ASIC2: variants seen among roughly 807,000 people sequenced by gnomAD.
ASIC2 encodes the protein acid sensing ion channel subunit 2.
ASIC2 carries 25 observed loss-of-function variants against 57.3 expected under a neutral mutation model. That is an observed-to-expected ratio of 0.44 (90% CI 0.32 to 0.61). The LOEUF is 0.61. Ranked by LOEUF, ASIC2 falls within the 20% of genes least tolerant of loss-of-function variation. The pLI, the probability that ASIC2 is intolerant of heterozygous loss-of-function variation, is 0.06. For synonymous variants in ASIC2, 319 were observed against 307.5 expected (o/e 1.04, Z -0.39); for missense variants, 641 against 738.1 (o/e 0.87, Z 1.52).
At chr17:33,279,548 C>T (rs945478631) in intron 1 of ASIC2, among the ~76,000 whole-genome samples, 4 of 152,034 alleles carry the variant, frequency 2.6e-5, no homozygotes, top group Non-Finnish European at 5.9e-5. Flanking sequence ...GAACGTGGAG[C>T]ACGAGAGAGA....
chr17:33,547,381 T>C (rs1329431301), intron 1 of ASIC2, among the ~76,000 whole-genome samples: 2 of 152,184 alleles, frequency 1.3e-5, no homozygotes, highest in African/African-American at 4.8e-5. Context: ...TGGGTTAATC[T>C]ATCCTTCAAA....
intron 1 of ASIC2, among the ~76,000 whole-genome samples, chr17:33,209,560 A>G (rs1907195648): frequency 6.6e-6 from 1 of 152,184 alleles, no homozygotes; most frequent in Non-Finnish European, 1.5e-5. Context: ...TACTTATGAC[A>G]AGCAAAAATG....
At chr17:33,570,067 T>C (rs1207182514) in intron 1 of ASIC2, among the ~76,000 whole-genome samples, 2 of 152,158 alleles carry the variant, frequency 1.3e-5, no homozygotes, top group African/African-American at 4.8e-5. Flanking sequence ...CACTTAAGTC[T>C]TCACTTCCTC....
At chr17:33,523,753 G>A (rs1184823771) in intron 1 of ASIC2, among the ~76,000 whole-genome samples, 1 of 152,072 alleles carries the variant, frequency 6.6e-6, no homozygotes, top group African/African-American at 2.4e-5. Context: ...TGCTTGGAAA[G>A]GCCCTCTGTG....
intron 1 of ASIC2, among the ~76,000 whole-genome samples, chr17:33,911,338 G>A (rs187835575): frequency 3.2e-4 from 48 of 152,306 alleles, no homozygotes; most frequent in Non-Finnish European, 5.4e-4. Flanking sequence ...TCATGTCCAA[G>A]CTCAGGATGG....
chr17:33,140,638 G>A lies in ASIC2; in HGVS notation c.709-28571C>T, dbSNP rs547565840. Among the ~76,000 whole-genome samples, 73 of 152,318 alleles carry A rather than the reference G, an allele frequency of 4.8e-4. 2 individuals are homozygous for A. The highest frequency in any genetic ancestry group is 1.1e-3 in the Admixed American group (17 of 15,306). On this transcript the variant is annotated intron_variant, in intron 1 of 9. Coordinates refer to ENST00000225823, the MANE Select transcript of ASIC2 (RefSeq NM_183377.2). ...TGTGTTTGTTTAAGGTGGGTGTCAC[G>A]TCACATGGTGTGTTTGGACTGAAAC... is the stretch of plus-strand genomic sequence containing the variant.
intron 1 of ASIC2, among the ~76,000 whole-genome samples, chr17:33,653,064 T>G (rs1039963588): frequency 6.6e-6 from 1 of 152,228 alleles, no homozygotes; most frequent in African/African-American, 2.4e-5. Context: ...ATAATATATT[T>G]GACCCTCAAG....
At chr17:33,228,896 C>G (rs767792985) in intron 1 of ASIC2, among the ~76,000 whole-genome samples, 4 of 152,228 alleles carry the variant, frequency 2.6e-5, no homozygotes, top group Non-Finnish European at 5.9e-5. Flanking sequence ...TCCCTGTCCT[C>G]CAGGAGCTGG....
intron 1 of ASIC2, among the ~76,000 whole-genome samples, chr17:33,799,446 CTTTCTTTCT>C (rs1567719156): frequency 1.3e-4 from 10 of 77,756 alleles, no homozygotes; most frequent in African/African-American, 4.4e-4. Context: ...TTCTTTCTTT[CTTTCTTTCT>C]TTCTTTCTTT....
chr17:33,863,250 A>G (rs1914141894), intron 1 of ASIC2, among the ~76,000 whole-genome samples: 1 of 152,250 alleles, frequency 6.6e-6, no homozygotes, highest in African/African-American at 2.4e-5. Context: ...GATGGAGAGA[A>G]GACTTTATCA....
chr17:33,230,696 C>T (rs778862820), intron 1 of ASIC2, among the ~76,000 whole-genome samples: 5 of 151,366 alleles, frequency 3.3e-5, no homozygotes, highest in Non-Finnish European at 5.9e-5. Flanking sequence ...ACACACAGTG[C>T]GAAGGGGGTA....
chr17:34,107,901 G>A (rs1029703114), intron 1 of ASIC2, among the ~76,000 whole-genome samples: 10 of 152,048 alleles, frequency 6.6e-5, no homozygotes, highest in Non-Finnish European at 1.2e-4. Flanking sequence ...TTGAAAATAC[G>A]TAATTAGAAA....
chr17:33,099,802 A>T (rs958152473), intron 2 of ASIC2, among the ~76,000 whole-genome samples: 18 of 152,200 alleles, frequency 1.2e-4, no homozygotes, highest in African/African-American at 4.3e-4. Flanking sequence ...CTGTTTACAC[A>T]CACCGATGGT....
chr17:33,682,097 T>TTGCCCAGGCTGGAG (rs1180128420), intron 1 of ASIC2, among the ~76,000 whole-genome samples: 1 of 147,124 alleles, frequency 6.8e-6, no homozygotes, highest in East Asian at 2.0e-4. Context: ...TCTCTCTCTG[T>TTGCCCAGGCTGGAG]TGCCCAGGCT....
rs8081268 is a variant in ASIC2 at position 33,592,154 on chromosome 17, C to T, written c.556-480087G>A. ...CAGCACACAAGACCAAGGAGGGCCC[C>T]TCCTCATGGAACTTCCATTCTATCT... is the stretch of plus-strand genomic sequence containing the variant. On this transcript the variant is annotated intron_variant, in intron 1 of 9. Transcript: ENST00000359872. 6.4e-3 allele frequency among the ~76,000 whole-genome samples: 978 copies of T among 152,184 alleles called. 12 individuals are homozygous for T. Among genetic ancestry groups the T allele is most frequent in the East Asian group, 0.044 (229 of 5,178 alleles).
chr17:33,053,241 G>C (rs2091984418), intron 3 of ASIC2, among the ~76,000 whole-genome samples: 1 of 152,148 alleles, frequency 6.6e-6, no homozygotes, highest in Non-Finnish European at 1.5e-5. Flanking sequence ...ATCCCAGGCG[G>C]CCGTCTGTTC....
intron 1 of ASIC2, among the ~76,000 whole-genome samples, chr17:34,074,487 C>G (rs1444463808): frequency 6.6e-6 from 1 of 152,138 alleles, no homozygotes; most frequent in Non-Finnish European, 1.5e-5. Context: ...GGAGGTCTGT[C>G]TTTACAAGTG....
intron 3 of ASIC2, among the ~76,000 whole-genome samples, chr17:33,046,267 A>G (rs3025230): frequency 2.6e-5 from 4 of 152,092 alleles, no homozygotes; most frequent in African/African-American, 9.7e-5. Context: ...TCCATTCACT[A>G]TCTCTTTTGG....
intron 3 of ASIC2, 124 bp downstream of exon 3, chr17:33,088,739 C>T (rs1319048799): frequency 7.4e-7 from 1 of 1,345,380 alleles, no homozygotes; most frequent in Non-Finnish European, 9.7e-7. Flanking sequence ...GGTTAGCCAA[C>T]ATCTTTCTCT....
Sources: gnomAD v4.1 joint callset for allele counts (sites outside exome capture counted in the v4.1 genomes callset) on GRCh38, gnomAD v4.1.1 for gene constraint, MANE v1.5 for transcripts, NCBI Gene and HGNC (gene_info 2026-07-23, HGNC 2026-07-21) for gene names.